Variants in NLGN1 observed in about 807,000 individuals in gnomAD.
The protein encoded by NLGN1 is neuroligin 1.
In NLGN1, 12 loss-of-function variants were observed where a neutral mutation model predicts 65.5. That is an observed-to-expected ratio of 0.18 (90% CI 0.12 to 0.30). The LOEUF is 0.30. Among genes scored for constraint, NLGN1 ranks in the 10% least tolerant of loss-of-function variants. The probability of loss-of-function intolerance (pLI) is 1.00; values close to 1 mark genes in which losing one functional copy is unlikely to be tolerated. For synonymous variants in NLGN1, 350 were observed against 359.5 expected (o/e 0.97, Z 0.30); for missense variants, 750 against 1,007.1 (o/e 0.74, Z 3.46).
chr3:173,993,451 A>G (rs1249606657), intron 4 of NLGN1, among the ~76,000 whole-genome samples: 1 of 152,194 alleles, frequency 6.6e-6, no homozygotes, highest in African/African-American at 2.4e-5. Context: ...AGCAGATACA[A>G]ATTATCATGG....
At chr3:174,146,094 T>TTCCC (rs1306181554) in intron 4 of NLGN1, among the ~76,000 whole-genome samples, 1 of 19,530 alleles carries the variant, frequency 5.1e-5, no homozygotes, top group Admixed American at 3.8e-4. Flanking sequence ...TTCTACTCTT[T>TTCCC]TCCTTCCTTC....
At position 174,234,985 on chromosome 3, in the gene NLGN1, C is replaced by CTTTTTTTTTTTTTTTTTTTTTT. The variant is rs748911027; in HGVS notation, c.647-40321_647-40300dup. ...GAGCTTTGTAAAATAAAGGAATCACCTTTTTTTTTTTTTTTTTTTTTTTTT... is the reference window on the plus strand; with the variant it reads ...GAGCTTTGTAAAATAAAGGAATCACCTTTTTTTTTTTTTTTTTTTTTTTTTTTTTTTTTTTTTTTTTTTTTTT... On this transcript the variant is annotated intron_variant, in intron 4 of 6. Transcript: ENST00000457714. Among the ~76,000 whole-genome samples, 4 of 65,744 alleles carry CTTTTTTTTTTTTTTTTTTTTTT rather than the reference C, an allele frequency of 6.1e-5. 1 individual carries two copies. Among genetic ancestry groups the CTTTTTTTTTTTTTTTTTTTTTT allele is most frequent in the African/African-American group, 3.2e-4 (4 of 12,490 alleles). The allele number at this position is 65,744 out of a possible 152,430, so 43.1% of individuals were successfully genotyped here. A position where few individuals can be genotyped will look rare whatever the true frequency, so the allele number is the denominator to read the frequency against.
rs182230282 is a variant in NLGN1, at chr3:174,265,887, C to T, written c.647-9428C>T. On this transcript the variant is annotated intron_variant, in intron 4 of 6. Transcript: ENST00000457714. The stretch of plus-strand genomic sequence containing the variant: ...AGTATTTTGTTATAATATATATATA[C>T]GTATATATGTATATATGTGTATATA... Among the ~76,000 whole-genome samples, 593 of 136,282 alleles carry T rather than the reference C, an allele frequency of 4.4e-3. 3 individuals are homozygous for T. The highest frequency in any genetic ancestry group is 0.014 in the African/African-American group (520 of 36,772). 89.4% of individuals were successfully genotyped at this position (136,282 alleles called of 152,430 possible). A position where few individuals can be genotyped will look rare whatever the true frequency, so the allele number is the denominator to read the frequency against.
chr3:173,693,199 T>C (rs1436174310), intron 3 of NLGN1, among the ~76,000 whole-genome samples: 2 of 152,146 alleles, frequency 1.3e-5, no homozygotes, highest in Non-Finnish European at 2.9e-5. Context: ...TCTTCTGGTA[T>C]TGAAGGAAGT....
intron 4 of NLGN1, among the ~76,000 whole-genome samples, chr3:174,064,939 T>C (rs1466663673): frequency 6.6e-6 from 1 of 151,288 alleles, no homozygotes; most frequent in Non-Finnish European, 1.5e-5. Context: ...GCTTCTATTA[T>C]ATTGTCTTAT....
In NLGN1 at chr3:174,151,680, T is replaced by C. The variant is rs571789078; in HGVS notation, c.647-123635T>C. Among the ~76,000 whole-genome samples the C allele has an allele frequency of 2.0e-5, 3 of 152,292 alleles. No individual in the cohort carries two copies. In the South Asian group the frequency reaches 6.2e-4, roughly 32 times the overall value. On this transcript the variant is annotated intron_variant, in intron 4 of 6. Coordinates refer to ENST00000457714, the Ensembl canonical transcript of NLGN1. ...CAGATTTACTCAGATCATTGTGTTA[T>C]GTTGATGGGTTTCCTTTGTGTAACC... is the stretch of plus-strand genomic sequence containing the variant.
At chr3:173,936,881 A>G (rs1039079453) in intron 4 of NLGN1, among the ~76,000 whole-genome samples, 16 of 152,052 alleles carry the variant, frequency 1.1e-4, no homozygotes, top group African/African-American at 3.9e-4. Context: ...TTGTATCTGT[A>G]TTGGGTTAAC....
intron 3 of NLGN1, among the ~76,000 whole-genome samples, chr3:173,722,596 C>T (rs1359016299): frequency 6.6e-6 from 1 of 152,034 alleles, no homozygotes; most frequent in African/African-American, 2.4e-5. Flanking sequence ...TCTATTAAGA[C>T]ATGAGAAACA....
intron 3 of NLGN1, among the ~76,000 whole-genome samples, chr3:173,722,409 A>AT (rs540998535): frequency 2.0e-5 from 3 of 151,836 alleles, no homozygotes; most frequent in Non-Finnish European, 4.4e-5. Flanking sequence ...CGCCCGACTA[A>AT]TTTTTGTATT....
At chr3:173,939,424 T>C (rs1309450879) in intron 4 of NLGN1, among the ~76,000 whole-genome samples, 1 of 152,210 alleles carries the variant, frequency 6.6e-6, no homozygotes, top group African/African-American at 2.4e-5. Context: ...GCTAATCACC[T>C]GTGGTTGTTT....
chr3:174,009,877 A>T (rs1725182715), intron 4 of NLGN1, among the ~76,000 whole-genome samples: 1 of 152,118 alleles, frequency 6.6e-6, no homozygotes, highest in Non-Finnish European at 1.5e-5. Context: ...GGCAGAGAGC[A>T]TTTATAGCTT....
rs1456337782 is a variant in NLGN1, at chr3:173,746,587, T to G, written c.494-61093T>G. Among the ~76,000 whole-genome samples, 4 of 152,086 alleles carry G rather than the reference T, an allele frequency of 2.6e-5. No homozygotes were observed. In the East Asian group the frequency reaches 7.7e-4, roughly 29 times the overall value. On this transcript the variant is annotated intron_variant, in intron 3 of 6. Coordinates refer to ENST00000457714, the Ensembl canonical transcript of NLGN1. ...GCCCTTCACGAAAACCATTCTTGAC[T>G]GTCTACACTAGATTAAGTCTGATTT...
At chr3:173,506,612 A>G (rs938883292) in intron 2 of NLGN1, among the ~76,000 whole-genome samples, 2 of 152,110 alleles carry the variant, frequency 1.3e-5, no homozygotes, top group African/African-American at 2.4e-5. Context: ...ACCTGCTACT[A>G]TGTTTTGTTA....
intron 3 of NLGN1, among the ~76,000 whole-genome samples, chr3:173,787,782 G>A (rs953449339): frequency 6.6e-6 from 1 of 152,190 alleles, no homozygotes; most frequent in Non-Finnish European, 1.5e-5. Context: ...ATAGAAGGTA[G>A]GCTTTCAGTG....
intron 4 of NLGN1, among the ~76,000 whole-genome samples, chr3:173,834,007 A>G (rs1210098624): frequency 6.6e-6 from 1 of 151,900 alleles, no homozygotes; most frequent in East Asian, 1.9e-4. Flanking sequence ...AAAATTGTCT[A>G]GGATTTATTT....
At position 174,230,625 on chromosome 3, in the gene NLGN1, A is replaced by G. The variant is rs566259673; in HGVS notation, c.647-44690A>G. ...TTAGTGAAGTATCAGCATTGGTCTAATGTACAGAAATAGAGAAATAGCCTG... is the reference window on the plus strand; with the variant it reads ...TTAGTGAAGTATCAGCATTGGTCTAGTGTACAGAAATAGAGAAATAGCCTG... On this transcript the variant is annotated intron_variant, in intron 4 of 6. Transcript: ENST00000457714. Among the ~76,000 whole-genome samples the G allele has an allele frequency of 2.0e-4, 30 of 152,278 alleles. No individual in the cohort carries two copies. In the South Asian group the frequency reaches 6.0e-3, roughly 31 times the overall value.
chr3:173,776,803 C>A (rs1780361233), intron 3 of NLGN1, among the ~76,000 whole-genome samples: 1 of 151,928 alleles, frequency 6.6e-6, no homozygotes, highest in Non-Finnish European at 1.5e-5. Flanking sequence ...TCTGTTATGA[C>A]TGACTAAAAA....
intron 4 of NLGN1, among the ~76,000 whole-genome samples, chr3:174,068,738 G>T (rs562312933): frequency 1.3e-5 from 2 of 151,910 alleles, no homozygotes; most frequent in African/African-American, 4.8e-5. Context: ...TCACCATTTC[G>T]CTTTAATCAA....
intron 4 of NLGN1, among the ~76,000 whole-genome samples, chr3:173,930,824 C>A (rs1290751305): frequency 6.6e-6 from 1 of 152,010 alleles, no homozygotes. Flanking sequence ...AATACAGTCT[C>A]CAGGAGATAG....
Sources: gnomAD v4.1 joint callset for allele counts (sites outside exome capture counted in the v4.1 genomes callset) on GRCh38, gnomAD v4.1.1 for gene constraint, MANE v1.5 for transcripts, NCBI Gene and HGNC (gene_info 2026-07-23, HGNC 2026-07-21) for gene names.